PTPRR: variants seen among roughly 807,000 people sequenced by gnomAD.
PTPRR encodes the protein receptor-type tyrosine-protein phosphatase R.
Under a neutral mutation model 77.2 loss-of-function variants are expected in PTPRR, and 38 were observed. The observed-to-expected ratio is 0.49, with a 90% CI of 0.38 to 0.65. PTPRR has a LOEUF of 0.65. PTPRR is among the 30% of genes least tolerant of loss of function. The pLI is 0.00. For missense variants in PTPRR, 744 were observed against 799.2 expected (o/e 0.93, Z 0.83); for synonymous variants, 299 against 283.1 (o/e 1.06, Z -0.57).
intron 6 of PTPRR, among the ~76,000 whole-genome samples, chr12:70,737,535 T>TA (rs55833535): frequency 6.6e-6 from 1 of 151,584 alleles, no homozygotes; most frequent in Non-Finnish European, 1.5e-5. Flanking sequence ...TCTATCTATC[T>TA]TTCGAGACAA....
At chr12:70,847,917 A>G (rs1276586177) in intron 2 of PTPRR, among the ~76,000 whole-genome samples, 1 of 152,192 alleles carries the variant, frequency 6.6e-6, no homozygotes, top group African/African-American at 2.4e-5. Context: ...CATAAACATA[A>G]TGATTTTCAG....
At chr12:70,650,801 T>A (rs1886367627) in intron 13 of PTPRR, among the ~76,000 whole-genome samples, 1 of 152,108 alleles carries the variant, frequency 6.6e-6, no homozygotes, top group Non-Finnish European at 1.5e-5. Flanking sequence ...ATAATTATAA[T>A]AGCAAATACC....
intron 2 of PTPRR, among the ~76,000 whole-genome samples, chr12:70,788,081 G>T (rs1335016784): frequency 6.6e-6 from 1 of 152,112 alleles, no homozygotes; most frequent in Non-Finnish European, 1.5e-5. Context: ...ATTGGGCGAG[G>T]TTTTTCACCT....
chr12:70,858,724 A>T (rs1020781840), intron 2 of PTPRR, among the ~76,000 whole-genome samples: 1 of 152,004 alleles, frequency 6.6e-6, no homozygotes, highest in African/African-American at 2.4e-5. Context: ...CACCTAGATG[A>T]AGCCGAGTGT....
In PTPRR at chr12:70,761,614, T is replaced by G; in HGVS notation, c.484A>C (p.Ser162Arg). 6.4e-7 allele frequency: 1 copy of G among 1,568,378 alleles called. No homozygotes were observed. Among genetic ancestry groups the G allele is most frequent in the Non-Finnish European group, 8.6e-7 (1 of 1,157,814 alleles). Residue 162 changes from serine to arginine, a missense_variant, in exon 4 of 14, where the codon AGT becomes CGT. Ser to Arg is a moderately radical substitution (Grantham distance 110). Coordinates refer to ENST00000283228, the MANE Select transcript of PTPRR (RefSeq NM_002849.4). ...ATGGGAGACACAAACAGTTCAATAC[T>G]GTTCTTCTTTCCCTAATAAAAGCAG... Reference protein sequence around the residue: ...HINRLIGKKNSIELFVSPINR... With the variant: ...HINRLIGKKNRIELFVSPINR...
At chr12:70,734,470 C>T (rs1168533096) in intron 6 of PTPRR, among the ~76,000 whole-genome samples, 1 of 152,076 alleles carries the variant, frequency 6.6e-6, no homozygotes, top group Non-Finnish European at 1.5e-5. Context: ...AAGCAGTGTC[C>T]TGGATGGGGT....
chr12:70,887,159 T>C (rs1893253469), intron 2 of PTPRR, among the ~76,000 whole-genome samples: 1 of 152,144 alleles, frequency 6.6e-6, no homozygotes, highest in Admixed American at 6.5e-5. Context: ...TGTTAAAAAT[T>C]TAAGTAGGGG....
intron 10 of PTPRR, among the ~76,000 whole-genome samples, chr12:70,676,739 C>T (rs1278581341): frequency 6.6e-6 from 1 of 151,742 alleles, no homozygotes; most frequent in African/African-American, 2.4e-5. Flanking sequence ...TATTTCTGGG[C>T]TCTATGTTCC....
intron 6 of PTPRR, among the ~76,000 whole-genome samples, chr12:70,742,914 A>G (rs1226395598): frequency 6.6e-6 from 1 of 152,206 alleles, no homozygotes; most frequent in Non-Finnish European, 1.5e-5. Context: ...AAAGGATTTG[A>G]TGAGGAAGGT....
chr12:70,687,043 G>T (rs1418973730), intron 8 of PTPRR, among the ~76,000 whole-genome samples: 2 of 151,930 alleles, frequency 1.3e-5, no homozygotes, highest in African/African-American at 4.8e-5. Flanking sequence ...TATGTGTCAG[G>T]TAGAGCAGGT....
At chr12:70,693,367 G>A (rs1888118446) in intron 8 of PTPRR, among the ~76,000 whole-genome samples, 1 of 152,078 alleles carries the variant, frequency 6.6e-6, no homozygotes, top group Non-Finnish European at 1.5e-5. Flanking sequence ...TGTGATCACA[G>A]CTCACTGCGA....
chr12:70,802,644 G>A (rs1891637598), intron 2 of PTPRR, among the ~76,000 whole-genome samples: 1 of 152,182 alleles, frequency 6.6e-6, no homozygotes, highest in African/African-American at 2.4e-5. Context: ...GAAATTTAGA[G>A]TAAGTTAGTT....
At chr12:70,850,653 C>T (rs1004421692) in intron 2 of PTPRR, among the ~76,000 whole-genome samples, 3 of 152,130 alleles carry the variant, frequency 2.0e-5, no homozygotes, top group Admixed American at 2.0e-4. Context: ...TCCATTGTGA[C>T]CGGGAATAAT....
intron 6 of PTPRR, among the ~76,000 whole-genome samples, chr12:70,707,040 G>A (rs998010875): frequency 7.9e-5 from 12 of 152,078 alleles, no homozygotes; most frequent in Non-Finnish European, 1.6e-4. Flanking sequence ...ACACACTGAT[G>A]AACATTTGAG....
intron 10 of PTPRR, among the ~76,000 whole-genome samples, chr12:70,677,942 C>T (rs1253923724): frequency 2.0e-5 from 3 of 152,030 alleles, no homozygotes; most frequent in African/African-American, 7.2e-5. Context: ...ATGTTCTCTC[C>T]TCTTTAATTT....
At chr12:70,654,278 C>G (rs1886497359) in intron 13 of PTPRR, among the ~76,000 whole-genome samples, 1 of 151,998 alleles carries the variant, frequency 6.6e-6, no homozygotes, top group African/African-American at 2.4e-5. Flanking sequence ...AAAAAAAAAT[C>G]TCGAAAGGTA....
At chr12:70,773,745 C>T (rs965234128) in intron 2 of PTPRR, among the ~76,000 whole-genome samples, 4 of 152,182 alleles carry the variant, frequency 2.6e-5, no homozygotes, top group African/African-American at 7.2e-5. Flanking sequence ...AGAATGTTAT[C>T]TTCTTCTAGA....
intron 7 of PTPRR, 119 bp from the exon 8 acceptor site, chr12:70,698,468 C>T (rs1888310489): frequency 1.4e-6 from 1 of 740,216 alleles, no homozygotes; most frequent in African/African-American, 1.8e-5. Flanking sequence ...AACAACAGAT[C>T]TAGCACCTCT....
intron 3 of PTPRR, among the ~76,000 whole-genome samples, chr12:70,764,158 A>G (rs1890757772): frequency 6.6e-6 from 1 of 151,964 alleles, no homozygotes. Flanking sequence ...TGCCTTGTGC[A>G]CTCAATGTCC....
Sources: gnomAD v4.1 joint callset for allele counts (sites outside exome capture counted in the v4.1 genomes callset) on GRCh38, gnomAD v4.1.1 for gene constraint, MANE v1.5 for transcripts, NCBI Gene and HGNC (gene_info 2026-07-23, HGNC 2026-07-21) for gene names.